The following SYT6 variants were observed in gnomAD, a reference collection of about 807,000 sequenced individuals.
The protein encoded by SYT6 is synaptotagmin-6.
In SYT6, 24 loss-of-function variants were observed where a neutral mutation model predicts 38.4. That is an observed-to-expected ratio of 0.62 (90% confidence interval 0.45 to 0.88). The LOEUF is 0.88. SYT6 is among the 40% of genes least tolerant of loss of function. The probability of loss-of-function intolerance (pLI) is 0.00; values close to 1 mark genes in which losing one functional copy is unlikely to be tolerated. For synonymous variants in SYT6, 265 were observed against 241.9 expected, an observed-to-expected ratio of 1.10 and a Z score of -0.89; for missense variants, 611 against 621.0, an observed-to-expected ratio of 0.98 and a Z score of 0.17.
chr1:114,137,109 T>C (rs1430598008), intron 3 of SYT6, among the ~76,000 whole-genome samples: 2 of 152,234 alleles, frequency 1.3e-5, no homozygotes, highest in Non-Finnish European at 2.9e-5. Flanking sequence ...ACTTTGGTTG[T>C]CTAAAGCCAC....
intron 1 of SYT6, among the ~76,000 whole-genome samples, chr1:114,150,470 CA>C (rs924527229): frequency 4.7e-4 from 72 of 152,250 alleles, no homozygotes; most frequent in African/African-American, 1.6e-3. Flanking sequence ...GTGAGAAGGA[CA>C]AACATCACAT....
chr1:114,126,603 G>T (rs920341184), intron 3 of SYT6, among the ~76,000 whole-genome samples: 9 of 152,216 alleles, frequency 5.9e-5, no homozygotes, highest in East Asian at 1.9e-4. Context: ...GGAGCAAGGT[G>T]GGGGGAAGCA....
chr1:114,130,711 C>T (rs956551403), intron 3 of SYT6, among the ~76,000 whole-genome samples: 3 of 152,134 alleles, frequency 2.0e-5, no homozygotes, highest in Non-Finnish European at 2.9e-5. Context: ...TATGTTTGCC[C>T]CTTCAATACC....
intron 1 of SYT6, among the ~76,000 whole-genome samples, chr1:114,148,518 C>G (rs1001000491): frequency 1.3e-5 from 2 of 152,188 alleles, no homozygotes; most frequent in African/African-American, 4.8e-5. Flanking sequence ...CCAAGGAGCT[C>G]TCGTGCAGAC....
Position 114,097,828 on chromosome 1 carries a change from C to T in SYT6, c.1414G>A (p.Glu472Lys). ...IGVCRVGITA[E>K]GLGRDHWNEM... Reference sequence around the variant, plus strand: ...TTCCAGTGGTCCCTGCCCAGGCCTTCAGCAGTGATCCCCACACGACAGACT... The same window carrying T: ...TTCCAGTGGTCCCTGCCCAGGCCTTTAGCAGTGATCCCCACACGACAGACT... The change falls in exon 6 of 8, where the codon GAA (glutamate) becomes AAA (lysine). Residue 472 changes from glutamate (E) to lysine (K), a missense_variant. By Grantham distance (56) the Glu-to-Lys change is moderately conservative (BLOSUM62 1). Coordinates refer to ENST00000610222, the MANE Select transcript of SYT6 (RefSeq NM_001253772.2). 6.2e-7 allele frequency: 1 copy of T among 1,614,158 alleles called. No homozygotes were observed. The highest frequency in any genetic ancestry group is 8.5e-7 in the Non-Finnish European group (1 of 1,180,034).
intron 3 of SYT6, among the ~76,000 whole-genome samples, chr1:114,112,039 G>T (rs1167478561): frequency 2.6e-5 from 4 of 152,186 alleles, no homozygotes; most frequent in African/African-American, 9.7e-5. Flanking sequence ...CTTCCTGCTG[G>T]GTGCTGGGGC....
Position 114,129,564 on chromosome 1 carries a change from TTTTCTTTCTTTC to T in SYT6, c.1071+7919_1071+7930del, listed in dbSNP as rs58281086. Among the ~76,000 whole-genome samples the T allele has an allele frequency of 6.6e-3, 747 of 112,964 alleles. 3 individuals are homozygous for T. Among genetic ancestry groups the T allele is most frequent in the Middle Eastern group, 7.8e-3 (2 of 256 alleles). The allele number at this position is 112,964 out of a possible 152,430, so 74.1% of individuals were successfully genotyped here. On this transcript the variant is annotated intron_variant, in intron 3 of 7. Coordinates refer to ENST00000610222, the MANE Select transcript of SYT6 (RefSeq NM_001253772.2). ...TTTTTTTTCTGTCTTTTTTTCTTTC[TTTTCTTTCTTTC>T]TTTCTTTCTTTCTTTCTTTCTTTCT...
intron 3 of SYT6, among the ~76,000 whole-genome samples, chr1:114,132,360 C>T (rs1488128130): frequency 1.3e-5 from 2 of 152,188 alleles, no homozygotes; most frequent in Admixed American, 6.5e-5. Context: ...AGGCCTGACT[C>T]TTTGATATTT....
chr1:114,104,443 C>T (rs992929908), intron 3 of SYT6, among the ~76,000 whole-genome samples: 1 of 152,158 alleles, frequency 6.6e-6, no homozygotes. Flanking sequence ...TCTGAGAGAA[C>T]AGGAAAACCT....
intron 4 of SYT6, among the ~76,000 whole-genome samples, chr1:114,102,881 T>G (rs1676051174): frequency 6.6e-6 from 1 of 152,166 alleles, no homozygotes; most frequent in Admixed American, 6.5e-5. Context: ...ATTTCCAAAC[T>G]CAAATACCTC....
intron 3 of SYT6, among the ~76,000 whole-genome samples, chr1:114,119,180 C>A (rs935118862): frequency 6.6e-6 from 1 of 152,214 alleles, no homozygotes; most frequent in Non-Finnish European, 1.5e-5. Context: ...GGCCCCTGTT[C>A]ATTTCACATA....
Position 114,097,874 on chromosome 1 carries a change from C to T in SYT6, c.1368G>A (p.Val456=). 1 of 1,614,056 alleles carries T rather than the reference C, an allele frequency of 6.2e-7. No homozygotes were observed. The highest frequency in any genetic ancestry group is 8.5e-7 in the Non-Finnish European group (1 of 1,179,928). Residue 456 remains valine (V), a synonymous_variant, in exon 6 of 8, where the codon GTG becomes GTA. Transcript: ENST00000610222. ...LLISVMDYDR[V]GHNEIIGVCR... ...AGACTCCTATGATCTCATTGTGGCCCACTCTGAGGGAGAAACAAAAGTCCC... is the reference window on the plus strand; with the variant it reads ...AGACTCCTATGATCTCATTGTGGCCTACTCTGAGGGAGAAACAAAAGTCCC...
chr1:114,122,136 G>A (rs572977170), intron 3 of SYT6, among the ~76,000 whole-genome samples: 43 of 152,320 alleles, frequency 2.8e-4, no homozygotes, highest in African/African-American at 8.7e-4. Context: ...AGCTGACTGC[G>A]TGGCCTTGAA....
chr1:114,151,059 A>C (rs1374641622), intron 1 of SYT6, among the ~76,000 whole-genome samples: 1 of 152,192 alleles, frequency 6.6e-6, no homozygotes, highest in Non-Finnish European at 1.5e-5. Flanking sequence ...ATAAAACTGC[A>C]ACAAATGAAA....
At chr1:114,118,042 A>G (rs1571854279) in intron 3 of SYT6, among the ~76,000 whole-genome samples, 1 of 152,212 alleles carries the variant, frequency 6.6e-6, no homozygotes, top group East Asian at 1.9e-4. Flanking sequence ...GCCATCTCCA[A>G]ACTGCATCCT....
intron 4 of SYT6, among the ~76,000 whole-genome samples, chr1:114,101,261 C>G (rs1675951656): frequency 6.6e-6 from 1 of 152,106 alleles, no homozygotes; most frequent in Non-Finnish European, 1.5e-5. Context: ...ATCCATGAAG[C>G]CAAGCAGACA....
intron 1 of SYT6, among the ~76,000 whole-genome samples, chr1:114,144,758 G>A (rs1679068878): frequency 6.6e-6 from 1 of 152,122 alleles, no homozygotes; most frequent in Non-Finnish European, 1.5e-5. Context: ...TAGGCTCCAG[G>A]GAAAGAGATC....
At chr1:114,143,811 C>G (rs1032940590) in intron 1 of SYT6, among the ~76,000 whole-genome samples, 1 of 151,694 alleles carries the variant, frequency 6.6e-6, no homozygotes, top group Admixed American at 6.6e-5. Flanking sequence ...CTCACTCCCC[C>G]ACCCCCAGCC....
chr1:114,128,344 G>A (rs749414050), intron 3 of SYT6, among the ~76,000 whole-genome samples: 1 of 152,158 alleles, frequency 6.6e-6, no homozygotes, highest in African/African-American at 2.4e-5. Context: ...TGATGGAAAG[G>A]GTAGTCTTGG....
Sources: gnomAD v4.1 joint callset for allele counts (sites outside exome capture counted in the v4.1 genomes callset) on GRCh38, gnomAD v4.1.1 for gene constraint, MANE v1.5 for transcripts, NCBI Gene and HGNC (gene_info 2026-07-23, HGNC 2026-07-21) for gene names.